RAP1A: variants seen among roughly 807,000 people sequenced by gnomAD.
The protein encoded by RAP1A is ras-related protein Rap-1A.
A neutral mutation model predicts 26.4 loss-of-function variants in RAP1A; 6 were observed. The ratio of observed to expected loss-of-function variants is 0.23; its 90% confidence interval spans 0.12 to 0.45. The LOEUF is 0.45. Among genes scored for constraint, RAP1A ranks in the 20% least tolerant of loss-of-function variants. The probability of loss-of-function intolerance (pLI) is 0.99; values close to 1 mark genes in which losing one functional copy is unlikely to be tolerated. For missense variants in RAP1A, 121 were observed against 217.2 expected (o/e 0.56, Z 2.78); for synonymous variants, 73 against 79.4 (o/e 0.92, Z 0.43).
chr1:111,686,054 C>T (rs1448785319), intron 1 of RAP1A, among the ~76,000 whole-genome samples: 1 of 143,132 alleles, frequency 7.0e-6, no homozygotes, highest in Non-Finnish European at 1.5e-5. Context: ...TGTTCTCACT[C>T]ATAAGTGGGA....
Position 111,619,836 on chromosome 1 carries a change from C to G in RAP1A, c.-126C>G, listed in dbSNP as rs956392511. 1 of 399,040 alleles carries G rather than the reference C, an allele frequency of 2.5e-6. No homozygotes were observed. The highest frequency in any genetic ancestry group is 4.4e-6 in the Non-Finnish European group (1 of 226,836). 24.7% of individuals were successfully genotyped at this position (399,040 alleles called of 1,614,324 possible). A position where few individuals can be genotyped will look rare whatever the true frequency, so the allele number is the denominator to read the frequency against. ...CCGCCGCCGCTCCCGCTGCTGTCGC[C>G]GCGCAGAGCCGGAGCAGGAGCCACG... On this transcript the variant is annotated 5_prime_UTR_variant, in exon 1 of 8. Coordinates refer to ENST00000369709, the MANE Select transcript of RAP1A (RefSeq NM_002884.4).
At chr1:111,698,976 G>A (rs1661928122) in intron 4 of RAP1A, among the ~76,000 whole-genome samples, 2 of 151,140 alleles carry the variant, frequency 1.3e-5, no homozygotes, top group South Asian at 2.1e-4. Flanking sequence ...CACAGTGTAC[G>A]GGCATTCTTC....
At chr1:111,640,603 A>G (rs1056193113) in intron 1 of RAP1A, among the ~76,000 whole-genome samples, 1 of 152,206 alleles carries the variant, frequency 6.6e-6, no homozygotes, top group Non-Finnish European at 1.5e-5. Context: ...TTATTTTCCT[A>G]TTCAAAGTAA....
At chr1:111,673,936 C>T (rs1215772069) in intron 1 of RAP1A, among the ~76,000 whole-genome samples, 3 of 152,120 alleles carry the variant, frequency 2.0e-5, no homozygotes, top group African/African-American at 7.2e-5. Context: ...TATACATACT[C>T]TGTGAAAAAT....
chr1:111,582,001 C>G (rs1658266340), intron 1 of RAP1A, among the ~76,000 whole-genome samples: 1 of 152,200 alleles, frequency 6.6e-6, no homozygotes, highest in Non-Finnish European at 1.5e-5. Context: ...CAAGGTCACT[C>G]ATCTAGTGAG....
chr1:111,656,639 C>A lies in RAP1A; in HGVS notation c.-27-34695C>A, dbSNP rs7549411. 6.1e-3 allele frequency among the ~76,000 whole-genome samples: 929 copies of A among 152,252 alleles called. 11 individuals are homozygous for A. Among genetic ancestry groups the A allele is most frequent in the African/African-American group, 0.02 (834 of 41,554 alleles). On this transcript the variant is annotated intron_variant, in intron 1 of 7. Coordinates refer to ENST00000369709, the MANE Select transcript of RAP1A (RefSeq NM_002884.4). ...CTCAGTCGCATCTTAATTTACATGT[C>A]AGCATTTGATAATTGATCAATTCTT...
At chr1:111,637,364 A>G (rs1659757063) in intron 1 of RAP1A, among the ~76,000 whole-genome samples, 1 of 152,164 alleles carries the variant, frequency 6.6e-6, no homozygotes, top group Non-Finnish European at 1.5e-5. Context: ...GCCTTTTTAG[A>G]TATTTTTCTA....
At chr1:111,591,518 CTA>C (rs1368556231) in intron 1 of RAP1A, among the ~76,000 whole-genome samples, 1 of 152,188 alleles carries the variant, frequency 6.6e-6, no homozygotes, top group Non-Finnish European at 1.5e-5. Flanking sequence ...ATTTAGCTCT[CTA>C]TATTATCTAA....
At chr1:111,622,692 A>G (rs1445303141) in intron 1 of RAP1A, among the ~76,000 whole-genome samples, 3 of 152,244 alleles carry the variant, frequency 2.0e-5, no homozygotes, top group Non-Finnish European at 4.4e-5. Flanking sequence ...TGTCAGTCAT[A>G]AAAAGATAAC....
chr1:111,607,486 C>T (rs1571494381), intron 1 of RAP1A, among the ~76,000 whole-genome samples: 1 of 152,378 alleles, frequency 6.6e-6, no homozygotes, highest in South Asian at 2.1e-4. Context: ...TTCCACAAAA[C>T]CGCCATTGTC....
At chr1:111,589,528 T>G (rs1464877558) in intron 1 of RAP1A, among the ~76,000 whole-genome samples, 1 of 152,202 alleles carries the variant, frequency 6.6e-6, no homozygotes, top group Non-Finnish European at 1.5e-5. Context: ...TCCCTGAAAA[T>G]GCTCCACATT....
intron 1 of RAP1A, among the ~76,000 whole-genome samples, chr1:111,653,728 T>G (rs1660356518): frequency 6.3e-5 from 9 of 143,416 alleles, no homozygotes; most frequent in Admixed American, 6.3e-4. Context: ...TTACAGTGTA[T>G]GAATTATATG....
At chr1:111,579,592 C>T (rs972441034) in intron 1 of RAP1A, among the ~76,000 whole-genome samples, 7 of 152,122 alleles carry the variant, frequency 4.6e-5, no homozygotes, top group Non-Finnish European at 8.8e-5. Flanking sequence ...ACAGAGGCTC[C>T]TCAACTTATG....
chr1:111,545,627 A>G (rs1657008222), intron 1 of RAP1A, among the ~76,000 whole-genome samples: 1 of 151,996 alleles, frequency 6.6e-6, no homozygotes, highest in South Asian at 2.1e-4. Context: ...TTTAATTTTG[A>G]TGAAGTCCAA....
At chr1:111,630,949 T>G (rs1184742634) in intron 1 of RAP1A, among the ~76,000 whole-genome samples, 1 of 152,220 alleles carries the variant, frequency 6.6e-6, no homozygotes, top group Non-Finnish European at 1.5e-5. Context: ...TTTCTAGACA[T>G]ACAGAATCAC....
At chr1:111,629,731 CTT>C in intron 1 of RAP1A, among the ~76,000 whole-genome samples, 1 of 152,076 alleles carries the variant, frequency 6.6e-6, no homozygotes, top group Middle Eastern at 3.4e-3. Context: ...GTGCGTGTGA[CTT>C]TTTTTTACAA....
intron 1 of RAP1A, among the ~76,000 whole-genome samples, chr1:111,585,415 G>A (rs1658347195): frequency 6.6e-6 from 1 of 152,062 alleles, no homozygotes; most frequent in African/African-American, 2.4e-5. Flanking sequence ...AGATCTGGAT[G>A]ATGGATACAA....
Position 111,713,910 on chromosome 1 carries a change from AAGG to A in RAP1A, c.*1515_*1517del, listed in dbSNP as rs1662459347. On this transcript the variant is annotated 3_prime_UTR_variant, in exon 8 of 8. Coordinates refer to ENST00000369709, the MANE Select transcript of RAP1A (RefSeq NM_002884.4). ...ACCCTGTGCCTTGTCCTCAAATATT[AAGG>A]AGGAGACAGACCAGTCCTAGAAAGT... The A allele has an allele frequency of 6.6e-6, 1 of 152,202 alleles. No homozygotes were observed. Among genetic ancestry groups the A allele is most frequent in the African/African-American group, 2.4e-5 (1 of 41,450 alleles). The allele number at this position is 152,202 out of a possible 1,614,324, so 9.4% of individuals were successfully genotyped here.
At chr1:111,711,990 T>C (rs1662399329) in intron 7 of RAP1A, among the ~76,000 whole-genome samples, 1 of 152,210 alleles carries the variant, frequency 6.6e-6, no homozygotes, top group Admixed American at 6.5e-5. Context: ...AATTCTAATA[T>C]ATAATCATAA....
Sources: allele counts gnomAD v4.1 joint callset (sites outside exome capture counted in the v4.1 genomes callset), GRCh38; gene constraint gnomAD v4.1.1; transcripts MANE v1.5; gene names NCBI Gene and HGNC (gene_info 2026-07-23, HGNC 2026-07-21).